Variants in ANKRD31 observed in about 807,000 individuals in gnomAD.
The protein encoded by ANKRD31 is ankyrin repeat domain 31.
ANKRD31 carries 147 observed loss-of-function variants against 186.0 expected under a neutral mutation model. The observed-to-expected ratio is 0.79, with a 90% CI of 0.69 to 0.91. The LOEUF is 0.91. Among genes scored for constraint, ANKRD31 ranks in the 40% least tolerant of loss-of-function variants. The pLI is 0.00. For missense variants in ANKRD31, 1,986 were observed against 2,148.8 expected, an observed-to-expected ratio of 0.92 and a Z score of 1.50; for synonymous variants, 673 against 736.4, an observed-to-expected ratio of 0.91 and a Z score of 1.39.
intron 10 of ANKRD31, among the ~76,000 whole-genome samples, chr5:75,176,479 C>T (rs184917502): frequency 6.6e-6 from 1 of 152,182 alleles, no homozygotes; most frequent in Non-Finnish European, 1.5e-5. Flanking sequence ...TGGCAGGCAC[C>T]CCCAAGTAGG....
chr5:75,086,835 T>C (rs1364422468), intron 23 of ANKRD31, among the ~76,000 whole-genome samples: 2 of 152,126 alleles, frequency 1.3e-5, no homozygotes, highest in East Asian at 1.9e-4. Context: ...AATATCATAC[T>C]AGGGAAAAAG....
At chr5:75,156,241 T>C (rs1327641299) in intron 11 of ANKRD31, among the ~76,000 whole-genome samples, 1 of 152,190 alleles carries the variant, frequency 6.6e-6, no homozygotes, top group African/African-American at 2.4e-5. Context: ...TATATCTCTC[T>C]TTTGAGATAA....
intron 17 of ANKRD31, among the ~76,000 whole-genome samples, chr5:75,128,614 C>T (rs1335143259): frequency 6.6e-6 from 1 of 151,582 alleles, no homozygotes; most frequent in African/African-American, 2.4e-5. Context: ...AGCCATTCTC[C>T]TGCCTCAGCC....
chr5:75,185,391 C>T (rs1266505415), intron 10 of ANKRD31, among the ~76,000 whole-genome samples: 1 of 152,102 alleles, frequency 6.6e-6, no homozygotes. Flanking sequence ...AACCCTGTCT[C>T]TACTAAAAGT....
chr5:75,099,597 T>C (rs1746645833), intron 22 of ANKRD31, among the ~76,000 whole-genome samples: 1 of 152,174 alleles, frequency 6.6e-6, no homozygotes, highest in Non-Finnish European at 1.5e-5. Flanking sequence ...TAATTATTGC[T>C]TCATTTTCAG....
chr5:75,231,906 A>AAC (rs56755264), intron 1 of ANKRD31, among the ~76,000 whole-genome samples: 27,481 of 144,274 alleles, frequency 0.19, 2,852 homozygotes, highest in East Asian at 0.28. Context: ...ACTGTCTCAA[A>AAC]ACACACACAC....
At chr5:75,203,673 A>AAAAAAGAAAAG (rs1554092026) in intron 5 of ANKRD31, among the ~76,000 whole-genome samples, 24 of 148,238 alleles carry the variant, frequency 1.6e-4, no homozygotes, top group African/African-American at 5.8e-4. Flanking sequence ...AAAAAAAAAA[A>AAAAAAGAAAAG]AAAAGAAAAG....
At position 75,146,386 on chromosome 5, in the gene ANKRD31, A is replaced by G. The variant is rs965985604; in HGVS notation, c.3025T>C (p.Ser1009Pro). ...AAAAGTGTTCTCATACAAGCCAGGG[A>G]ATTTTGCTCAGGATTGCCATTTGAG... ...DHSNGNPEQN[S>P]LACMRTLLTH... is the part of the protein sequence containing the mutation. Residue 1009 changes from serine (S) to proline (P), a missense_variant, in exon 14 of 26, where the codon TCC becomes CCC. Transcript: ENST00000506364. 6.5e-7 allele frequency: 1 copy of G among 1,536,480 alleles called. No homozygotes were observed. The highest frequency in any genetic ancestry group is 1.4e-5 in the African/African-American group (1 of 72,996).
intron 25 of ANKRD31, among the ~76,000 whole-genome samples, chr5:75,078,227 C>T (rs376643842): frequency 4.6e-5 from 7 of 152,042 alleles, no homozygotes; most frequent in African/African-American, 1.2e-4. Context: ...TTTGGGTGTT[C>T]GAGGTTTAAA....
At chr5:75,100,330 G>T (rs1746737586) in intron 22 of ANKRD31, among the ~76,000 whole-genome samples, 1 of 152,176 alleles carries the variant, frequency 6.6e-6, no homozygotes, top group South Asian at 2.1e-4. Context: ...GCTGAGGAGT[G>T]CTTTACTTCC....
chr5:75,205,882 T>G (rs1756146683), intron 5 of ANKRD31, among the ~76,000 whole-genome samples: 1 of 152,010 alleles, frequency 6.6e-6, no homozygotes, highest in South Asian at 2.1e-4. Flanking sequence ...AAGGCAAAAC[T>G]GGCCTGTGTG....
chr5:75,193,501 T>A lies in ANKRD31; in HGVS notation c.1108A>T (p.Asn370Tyr), dbSNP rs1257992292. 2.1e-5 allele frequency: 33 copies of A among 1,537,112 alleles called. No homozygotes were observed. The highest frequency in any genetic ancestry group is 2.8e-5 in the Non-Finnish European group (32 of 1,146,766). The change falls in exon 8 of 26, where the codon AAT becomes TAT. Residue 370 changes from asparagine to tyrosine, a missense_variant. By Grantham distance (143) the Asn-to-Tyr change is moderately radical. Coordinates refer to ENST00000506364, the MANE Select transcript of ANKRD31 (RefSeq NM_001372053.1). ...CEPLSNKRNS[N>Y]SVTNSSDQET... is the part of the protein sequence containing the mutation. ...TGATCAGAGCTATTTGTCACTGAAT[T>A]TGAATTTCTCTTATTACTTAGTGGC...
Position 75,165,463 on chromosome 5 carries a change from C to A in ANKRD31, c.1707+3516G>T, listed in dbSNP as rs111562028. ...AATGTTTAGCTTAAAAAAAGACATA[C>A]GAGTAGGTAGAGAACGAAAGTTAAG... On this transcript the variant is annotated intron_variant, in intron 11 of 25. Transcript: ENST00000506364. Among the ~76,000 whole-genome samples the A allele has an allele frequency of 6.0e-3, 909 of 151,986 alleles. 2 individuals are homozygous for A. The highest frequency in any genetic ancestry group is 9.7e-3 in the Non-Finnish European group (657 of 67,948).
At chr5:75,072,195 C>A (rs1192331057) in intron 25 of ANKRD31, among the ~76,000 whole-genome samples, 9 of 152,278 alleles carry the variant, frequency 5.9e-5, no homozygotes, top group Admixed American at 3.3e-4. Flanking sequence ...TCCTCATTAA[C>A]AATCATAGGC....
Position 75,116,691 on chromosome 5 carries a change from G to T in ANKRD31, c.4040-10C>A, listed in dbSNP as rs568070758. The T allele has an allele frequency of 1.2e-4, 162 of 1,364,804 alleles. 2 individuals are homozygous for T. The East Asian group carries it at 3.2e-3, about 27-fold the overall frequency. The allele number at this position is 1,364,804 out of a possible 1,614,324, so 84.5% of individuals were successfully genotyped here. On this transcript the variant is annotated splice_polypyrimidine_tract_variant and intron_variant, in intron 18 of 25. Transcript: ENST00000506364. ...ACAGCAGGAATTTTTTCTTTAAAAA[G>T]TAAAATTAGAAAATATAATAAGAAT...
At chr5:75,163,511 G>C (rs1752711835) in intron 11 of ANKRD31, among the ~76,000 whole-genome samples, 1 of 152,152 alleles carries the variant, frequency 6.6e-6, no homozygotes, top group African/African-American at 2.4e-5. Context: ...TTTTCTCTTA[G>C]GGTGACTGAA....
At chr5:75,133,839 C>T (rs878936362) in intron 17 of ANKRD31, among the ~76,000 whole-genome samples, 1 of 152,096 alleles carries the variant, frequency 6.6e-6, no homozygotes, top group African/African-American at 2.4e-5. Flanking sequence ...TGCAATCAAA[C>T]TAGAACTCAG....
intron 9 of ANKRD31, among the ~76,000 whole-genome samples, chr5:75,191,095 C>T (rs1755079757): frequency 6.6e-6 from 1 of 152,012 alleles, no homozygotes; most frequent in Admixed American, 6.6e-5. Flanking sequence ...AGACTTTCTC[C>T]ACACCAAGGT....
At chr5:75,181,019 C>G (rs1754244205) in intron 10 of ANKRD31, among the ~76,000 whole-genome samples, 1 of 120,890 alleles carries the variant, frequency 8.3e-6, no homozygotes, top group African/African-American at 4.4e-5. Flanking sequence ...CTACAATGAA[C>G]TCAAACAAAT....
Sources: gnomAD v4.1 joint callset for allele counts (sites outside exome capture counted in the v4.1 genomes callset) on GRCh38, gnomAD v4.1.1 for gene constraint, MANE v1.5 for transcripts, NCBI Gene and HGNC (gene_info 2026-07-23, HGNC 2026-07-21) for gene names.